Variants in CLMP observed in about 807,000 individuals in gnomAD.
CLMP encodes the protein CXADR like cell adhesion molecule.
Under a neutral mutation model 45.2 loss-of-function variants are expected in CLMP, and 27 were observed. The ratio of observed to expected loss-of-function variants is 0.60; its 90% CI spans 0.44 to 0.82. CLMP has a LOEUF of 0.82. Among genes scored for constraint, CLMP ranks in the 40% least tolerant of loss-of-function variants. The pLI is 0.00. For missense variants in CLMP, 403 were observed against 448.4 expected (o/e 0.90, Z 0.91); for synonymous variants, 167 against 171.4 (o/e 0.97, Z 0.20).
intron 6 of CLMP, among the ~76,000 whole-genome samples, chr11:123,074,337 GTTAT>G (rs1321804571): frequency 1.3e-5 from 2 of 151,768 alleles, no homozygotes; most frequent in African/African-American, 4.8e-5. Context: ...ACCATGCCTG[GTTAT>G]TTATTTATTT....
At chr11:123,110,592 C>A (rs35512229) in intron 1 of CLMP, among the ~76,000 whole-genome samples, 1 of 151,980 alleles carries the variant, frequency 6.6e-6, no homozygotes, top group Non-Finnish European at 1.5e-5. Context: ...GCACTCCAGC[C>A]TGAGCAACAG....
rs371749380 is a variant in CLMP, at chr11:123,074,674, C to T, written c.821+28G>A. 8.9e-5 allele frequency: 144 copies of T among 1,610,544 alleles called. No individual in the cohort carries two copies. The African/African-American group carries it at 9.2e-4, about 10-fold the overall frequency. ...AGTGCTGGCCCTAAAACAGAAGCCCCGTAAAAGTAGGGATGTGGGAGGTTT... is the reference window on the plus strand; with the variant it reads ...AGTGCTGGCCCTAAAACAGAAGCCCTGTAAAAGTAGGGATGTGGGAGGTTT... On this transcript the variant is annotated intron_variant, in intron 6 of 6. Transcript: ENST00000448775.
At chr11:123,126,867 A>C (rs1291206837) in intron 1 of CLMP, among the ~76,000 whole-genome samples, 1 of 151,896 alleles carries the variant, frequency 6.6e-6, no homozygotes, top group Non-Finnish European at 1.5e-5. Context: ...ACTGCACTCC[A>C]GCCTGGGCGA....
intron 1 of CLMP, among the ~76,000 whole-genome samples, chr11:123,100,627 T>C (rs965087450): frequency 2.6e-5 from 4 of 152,034 alleles, no homozygotes; most frequent in African/African-American, 9.7e-5. Flanking sequence ...GCTCTGCAAA[T>C]AGTGTCCACC....
chr11:123,095,609 C>T (rs879906231), intron 2 of CLMP, among the ~76,000 whole-genome samples: 10 of 152,162 alleles, frequency 6.6e-5, no homozygotes, highest in African/African-American at 9.6e-5. Context: ...ATTCAAGAGG[C>T]GCCATGGTAA....
chr11:123,127,699 A>C (rs1860916928), intron 1 of CLMP, among the ~76,000 whole-genome samples: 1 of 152,270 alleles, frequency 6.6e-6, no homozygotes, highest in East Asian at 1.9e-4. Context: ...TCATGAACTT[A>C]CATGCAATCA....
intron 1 of CLMP, among the ~76,000 whole-genome samples, chr11:123,147,962 G>T (rs1861262254): frequency 6.6e-6 from 1 of 152,098 alleles, no homozygotes; most frequent in Non-Finnish European, 1.5e-5. Context: ...ATAGGCATGA[G>T]CCACCGTGCG....
chr11:123,108,108 C>CGA (rs1860586250), intron 1 of CLMP, among the ~76,000 whole-genome samples: 1 of 152,050 alleles, frequency 6.6e-6, no homozygotes, highest in South Asian at 2.1e-4. Flanking sequence ...CTGTCCTCTC[C>CGA]GATCAGCTCC....
At chr11:123,137,154 T>TC (rs1268505191) in intron 1 of CLMP, among the ~76,000 whole-genome samples, 1 of 89,002 alleles carries the variant, frequency 1.1e-5, no homozygotes, top group Non-Finnish European at 2.6e-5. Context: ...TTTCTTTTTT[T>TC]TTTTTTTTTT....
chr11:123,134,730 C>A lies in CLMP; in HGVS notation c.29-36778G>T, dbSNP rs1379758245. Among the ~76,000 whole-genome samples, 4 of 152,056 alleles carry A rather than the reference C, an allele frequency of 2.6e-5. No homozygotes were observed. The East Asian group carries it at 5.8e-4, about 22-fold the overall frequency. The stretch of plus-strand genomic sequence containing the variant: ...GGCTGAGGCACAAGAATCGCTTGAA[C>A]CCAGGAGGTGGAGGTTACAGTGAAC... On this transcript the variant is annotated intron_variant, in intron 1 of 6. Coordinates refer to ENST00000448775, the MANE Select transcript of CLMP (RefSeq NM_024769.5).
intron 1 of CLMP, among the ~76,000 whole-genome samples, chr11:123,156,346 A>C (rs935943429): frequency 6.6e-6 from 1 of 152,230 alleles, no homozygotes; most frequent in African/African-American, 2.4e-5. Context: ...CAGCCTGAGC[A>C]TACAGGCCAG....
At chr11:123,163,391 A>T (rs1861512930) in intron 1 of CLMP, among the ~76,000 whole-genome samples, 1 of 152,230 alleles carries the variant, frequency 6.6e-6, no homozygotes, top group African/African-American at 2.4e-5. Flanking sequence ...TAGGGAGACC[A>T]TTCAGGAGGC....
At chr11:123,089,404 A>G (rs141496936) in intron 2 of CLMP, among the ~76,000 whole-genome samples, 11 of 152,178 alleles carry the variant, frequency 7.2e-5, no homozygotes, top group African/African-American at 2.6e-4. Flanking sequence ...GCATACACAT[A>G]TATACTGAAA....
chr11:123,127,584 T>C (rs60036029), intron 1 of CLMP, among the ~76,000 whole-genome samples: 23,443 of 151,972 alleles, frequency 0.15, 2,426 homozygotes, highest in African/African-American at 0.29. Context: ...TTTGAGAAAA[T>C]AGAAAAGGAG....
intron 1 of CLMP, among the ~76,000 whole-genome samples, chr11:123,144,777 G>C (rs1565395853): frequency 6.6e-6 from 1 of 152,208 alleles, no homozygotes; most frequent in Non-Finnish European, 1.5e-5. Context: ...GAAGTGCAGG[G>C]ATATCTTCTA....
rs116133001 is a variant in CLMP, at chr11:123,089,113, C to T, written c.187-4400G>A. 8.3e-3 allele frequency among the ~76,000 whole-genome samples: 1,270 copies of T among 152,118 alleles called. 15 individuals are homozygous for T. Among genetic ancestry groups the T allele is most frequent in the African/African-American group, 0.028 (1,181 of 41,520 alleles). On this transcript the variant is annotated intron_variant, in intron 2 of 6. Coordinates refer to ENST00000448775, the MANE Select transcript of CLMP (RefSeq NM_024769.5). The stretch of plus-strand genomic sequence containing the variant: ...CATTAAGAAATACATTTTTCTCGCC[C>T]GGGGCTCATGCCTGTAATCCCAGCA...
At chr11:123,142,750 C>T (rs1861180782) in intron 1 of CLMP, among the ~76,000 whole-genome samples, 1 of 139,136 alleles carries the variant, frequency 7.2e-6, no homozygotes, top group Non-Finnish European at 1.5e-5. Flanking sequence ...CCTCAGCCTC[C>T]CGAGTAGCTG....
intron 1 of CLMP, among the ~76,000 whole-genome samples, chr11:123,175,761 T>A (rs1283507128): frequency 6.6e-6 from 1 of 152,222 alleles, no homozygotes; most frequent in Non-Finnish European, 1.5e-5. Flanking sequence ...ATGGGTTCCA[T>A]ATATTGAAGA....
chr11:123,192,657 A>G (rs6589973), intron 1 of CLMP, among the ~76,000 whole-genome samples: 115,385 of 152,094 alleles, frequency 0.76, 44,394 homozygotes, highest in African/African-American at 0.89. Context: ...AGCACTTCTT[A>G]TTCATTCACA....
Sources: gnomAD v4.1 joint callset for allele counts (sites outside exome capture counted in the v4.1 genomes callset) on GRCh38, gnomAD v4.1.1 for gene constraint, MANE v1.5 for transcripts, NCBI Gene and HGNC (gene_info 2026-07-23, HGNC 2026-07-21) for gene names.